Variants in BMP3 observed in about 807,000 individuals in gnomAD.
BMP3 encodes bone morphogenetic protein 3.
In BMP3, 23 loss-of-function variants were observed where a neutral mutation model predicts 38.1. The observed-to-expected ratio is 0.60, with a 90% confidence interval of 0.43 to 0.86. BMP3 has a LOEUF of 0.86. BMP3 is among the 40% of genes least tolerant of loss of function. The pLI is 0.00. For missense variants in BMP3, 628 were observed against 579.6 expected (o/e 1.08, Z -0.86); for synonymous variants, 258 against 225.7 (o/e 1.14, Z -1.28).
At chr4:81,048,413 A>G (rs929922490) in intron 2 of BMP3, among the ~76,000 whole-genome samples, 3 of 152,178 alleles carry the variant, frequency 2.0e-5, no homozygotes, top group African/African-American at 7.2e-5. Flanking sequence ...AGGGTAATAT[A>G]TTCTGGGTAG....
Position 81,031,569 on chromosome 4 carries a change from C to G in BMP3, c.285C>G (p.Asn95Lys). 6.2e-7 allele frequency: 1 copy of G among 1,608,450 alleles called. No individual in the cohort carries two copies. Residue 95 changes from asparagine (N) to lysine (K), a missense_variant, in exon 1 of 3, where the codon AAC becomes AAG. By Grantham distance (94) the Asn-to-Lys change is moderately conservative. Transcript: ENST00000282701. ...PWRPRLLREG[N>K]TVRSFRAAAA... ...GCCCTCGGCTCCTGCGCGAAGGCAA[C>G]ACGGTTCGCAGCTTTCGGGCGGCAG...
chr4:81,052,678 T>C (rs1266388770), intron 2 of BMP3, among the ~76,000 whole-genome samples: 2 of 152,090 alleles, frequency 1.3e-5, no homozygotes, highest in Non-Finnish European at 2.9e-5. Flanking sequence ...AATGGTGTGG[T>C]CTTCTTACCC....
At chr4:81,039,641 A>C (rs1422136056) in intron 1 of BMP3, among the ~76,000 whole-genome samples, 1 of 152,192 alleles carries the variant, frequency 6.6e-6, no homozygotes, top group Non-Finnish European at 1.5e-5. Flanking sequence ...TTATATAATA[A>C]TCAAACTCCT....
intron 1 of BMP3, among the ~76,000 whole-genome samples, chr4:81,034,171 T>C (rs75444249): frequency 0.011 from 1,614 of 152,310 alleles, 29 homozygotes; most frequent in African/African-American, 0.036. Context: ...TAAATACACT[T>C]TCTGCTAAAC....
At chr4:81,040,124 G>A (rs1017675422) in intron 1 of BMP3, among the ~76,000 whole-genome samples, 14 of 152,164 alleles carry the variant, frequency 9.2e-5, no homozygotes, top group Non-Finnish European at 1.6e-4. Context: ...ATTCTCAGGT[G>A]TTAAAACTCT....
In BMP3 at chr4:81,048,105, C is replaced by G. The variant is rs1740307905; in HGVS notation, c.1227+1457C>G. On this transcript the variant is annotated intron_variant, in intron 2 of 2. Transcript: ENST00000282701. ...TTTTGATCATTTTATGTTTCATAAACCCAAACACAAAGTACGAATTCTATA... is the reference window on the plus strand; with the variant it reads ...TTTTGATCATTTTATGTTTCATAAAGCCAAACACAAAGTACGAATTCTATA... 2.0e-5 allele frequency among the ~76,000 whole-genome samples: 3 copies of G among 152,098 alleles called. 1 individual carries two copies. In the South Asian group the frequency reaches 6.2e-4, roughly 32 times the overall value.
chr4:81,057,392 C>T lies in BMP3; in HGVS notation c.*3856C>T, dbSNP rs912500520. 5 of 151,988 alleles carry T rather than the reference C, an allele frequency of 3.3e-5. No homozygotes were observed. In the East Asian group the frequency reaches 9.6e-4, roughly 29 times the overall value. 9.4% of individuals were successfully genotyped at this position (151,988 alleles called of 1,614,324 possible). On this transcript the variant is annotated 3_prime_UTR_variant, in exon 3 of 3. Coordinates refer to ENST00000282701, the MANE Select transcript of BMP3 (RefSeq NM_001201.5). ...ATGCAGTTTGGTTCTTTAGTCAAAT[C>T]CACTTAGAGGGTATATTGCAGTGAA...
At position 81,048,545 on chromosome 4, in the gene BMP3, G is replaced by T. The variant is rs372711292; in HGVS notation, c.1227+1897G>T. On this transcript the variant is annotated intron_variant, in intron 2 of 2. Coordinates refer to ENST00000282701, the MANE Select transcript of BMP3 (RefSeq NM_001201.5). The stretch of plus-strand genomic sequence containing the variant: ...CCTCTAGCTCTGGAGAATTGATTTG[G>T]TATCCACCCCACCACAATTACTTCC... Among the ~76,000 whole-genome samples, 36 of 152,206 alleles carry T rather than the reference G, an allele frequency of 2.4e-4. 1 individual carries two copies. The East Asian group carries it at 6.9e-3, about 29-fold the overall frequency.
At position 81,054,275 on chromosome 4, in the gene BMP3, G is replaced by T. The variant is rs1018401209; in HGVS notation, c.*739G>T. 6 of 152,540 alleles carry T rather than the reference G, an allele frequency of 3.9e-5. No homozygotes were observed. Among genetic ancestry groups the T allele is most frequent in the African/African-American group, 1.4e-4 (6 of 41,420 alleles). The allele number at this position is 152,540 out of a possible 1,614,324, so 9.4% of individuals were successfully genotyped here. ...AATAATTCAAGAGCATATACAGAGA[G>T]TTACCACTTGACCCAGCTATTTAAT... On this transcript the variant is annotated 3_prime_UTR_variant, in exon 3 of 3. Transcript: ENST00000282701.
intron 1 of BMP3, among the ~76,000 whole-genome samples, chr4:81,041,096 A>G (rs1740061714): frequency 6.6e-6 from 1 of 152,216 alleles, no homozygotes; most frequent in Admixed American, 6.5e-5. Context: ...TCTTCTGTTC[A>G]TAAGTATGGA....
intron 1 of BMP3, among the ~76,000 whole-genome samples, chr4:81,034,143 G>A (rs1172578494): frequency 6.6e-6 from 1 of 152,150 alleles, no homozygotes; most frequent in African/African-American, 2.4e-5. Flanking sequence ...ATTACTTGAT[G>A]GTGGGTGGCA....
chr4:81,036,325 C>T (rs1739923247), intron 1 of BMP3, among the ~76,000 whole-genome samples: 1 of 151,884 alleles, frequency 6.6e-6, no homozygotes, highest in African/African-American at 2.4e-5. Flanking sequence ...TTATAAATCC[C>T]CAGTGTTTGT....
intron 1 of BMP3, chr4:81,037,357 G>A: frequency 4.1e-6 from 1 of 241,910 alleles, no homozygotes; most frequent in Non-Finnish European, 8.6e-6. Flanking sequence ...TTCAAGTAGA[G>A]AAAAGATTAT....
chr4:81,045,470 G>C (rs1311480661), intron 1 of BMP3, among the ~76,000 whole-genome samples: 1 of 151,998 alleles, frequency 6.6e-6, no homozygotes, highest in Non-Finnish European at 1.5e-5. Context: ...ATGAAGTCCA[G>C]TTTATTTTAT....
In BMP3 at chr4:81,030,952, G is replaced by A; in HGVS notation, c.-333G>A. Reference sequence around the variant, plus strand: ...GTGTTCCCAAAAATAAAGCGAGGAGGGAAGGTACAGACAGATCTTGAAAAC... The same window carrying A: ...GTGTTCCCAAAAATAAAGCGAGGAGAGAAGGTACAGACAGATCTTGAAAAC... On this transcript the variant is annotated 5_prime_UTR_variant, in exon 1 of 3. Transcript: ENST00000282701. The A allele has an allele frequency of 3.7e-6, 1 of 271,118 alleles. No homozygotes were observed. Among genetic ancestry groups the A allele is most frequent in the East Asian group, 8.4e-5 (1 of 11,908 alleles). 16.8% of individuals were successfully genotyped at this position (271,118 alleles called of 1,614,324 possible).
intron 2 of BMP3, among the ~76,000 whole-genome samples, chr4:81,052,916 T>C (rs1169559986): frequency 6.6e-6 from 1 of 152,174 alleles, no homozygotes; most frequent in East Asian, 1.9e-4. Flanking sequence ...CGAATCATTT[T>C]TTGTTTCAAT....
At position 81,055,058 on chromosome 4, in the gene BMP3, T is replaced by C. The variant is rs1740513233; in HGVS notation, c.*1522T>C. 6.6e-6 allele frequency: 1 copy of C among 152,200 alleles called. No individual in the cohort carries two copies. The highest frequency in any genetic ancestry group is 1.5e-5 in the Non-Finnish European group (1 of 68,030). 9.4% of individuals were successfully genotyped at this position (152,200 alleles called of 1,614,324 possible). A position where few individuals can be genotyped will look rare whatever the true frequency, so the allele number is the denominator to read the frequency against. On this transcript the variant is annotated 3_prime_UTR_variant, in exon 3 of 3. Coordinates refer to ENST00000282701, the MANE Select transcript of BMP3 (RefSeq NM_001201.5). ...TGTGAAAGGCACTGTGTTACCTGTG[T>C]GTCTTTAGTGTCCTCACTGGTAAAA...
intron 1 of BMP3, among the ~76,000 whole-genome samples, chr4:81,040,358 C>T (rs909638207): frequency 1.3e-5 from 2 of 152,202 alleles, no homozygotes; most frequent in Non-Finnish European, 2.9e-5. Context: ...TCACACTCTA[C>T]TCTACCATAA....
chr4:81,036,926 T>A (rs1480414005), intron 1 of BMP3, among the ~76,000 whole-genome samples: 1 of 152,018 alleles, frequency 6.6e-6, no homozygotes, highest in Non-Finnish European at 1.5e-5. Context: ...ATCTAAAACA[T>A]CAGCATGTAG....
Sources: gnomAD v4.1 joint callset for allele counts (sites outside exome capture counted in the v4.1 genomes callset) on GRCh38, gnomAD v4.1.1 for gene constraint, MANE v1.5 for transcripts, NCBI Gene and HGNC (gene_info 2026-07-23, HGNC 2026-07-21) for gene names.